GPC5: variants seen among roughly 807,000 people sequenced by gnomAD.
GPC5 encodes the protein glypican 5, also known as glypican-5.
In GPC5, 47 loss-of-function variants were observed where a neutral mutation model predicts 53.9. The observed-to-expected ratio is 0.87, with a 90% CI of 0.69 to 1.11. The LOEUF (loss-of-function observed/expected upper bound fraction) is 1.11. GPC5 is among the 50% of genes most tolerant of loss of function. The probability of loss-of-function intolerance (pLI) is 0.00; values close to 1 mark genes in which losing one functional copy is unlikely to be tolerated. For synonymous variants in GPC5, 286 were observed against 263.3 expected, an observed-to-expected ratio of 1.09 and a Z score of -0.84; for missense variants, 748 against 713.1, an observed-to-expected ratio of 1.05 and a Z score of -0.56.
At chr13:92,623,295 C>T (rs189043099) in intron 7 of GPC5, among the ~76,000 whole-genome samples, 124 of 152,288 alleles carry the variant, frequency 8.1e-4, no homozygotes, top group Non-Finnish European at 1.6e-3. Flanking sequence ...TCATCTGCTC[C>T]ATGTGAGAAG....
At chr13:92,560,895 G>GTGTA (rs1882674951) in intron 7 of GPC5, among the ~76,000 whole-genome samples, 1 of 150,946 alleles carries the variant, frequency 6.6e-6, no homozygotes, top group Admixed American at 6.6e-5. Flanking sequence ...GTGTGTGTGT[G>GTGTA]TGTATACATA....
intron 7 of GPC5, among the ~76,000 whole-genome samples, chr13:92,692,715 G>T (rs964661154): frequency 5.8e-5 from 7 of 121,330 alleles, no homozygotes; most frequent in African/African-American, 2.0e-4. Context: ...AACAGTGTAC[G>T]TGTGTTCCCT....
At chr13:92,401,368 A>T (rs1875551124) in intron 7 of GPC5, among the ~76,000 whole-genome samples, 1 of 152,126 alleles carries the variant, frequency 6.6e-6, no homozygotes, top group Admixed American at 6.5e-5. Flanking sequence ...TTACTATATT[A>T]GAAATCGAAG....
rs547036514 is a variant in GPC5, at chr13:92,224,206, G to T, written c.1561+79217G>T. On this transcript the variant is annotated intron_variant, in intron 7 of 7. Coordinates refer to ENST00000377067, the MANE Select transcript of GPC5 (RefSeq NM_004466.6). ...AAAGTAAACTGAATGTACTAGTCAG[G>T]CCATCAGAATAGCAATAACATTGGT... Among the ~76,000 whole-genome samples the T allele has an allele frequency of 3.0e-4, 45 of 152,150 alleles. No homozygotes were observed. The South Asian group carries it at 8.9e-3, about 30-fold the overall frequency.
chr13:92,825,049 C>A (rs1005493294), intron 7 of GPC5, among the ~76,000 whole-genome samples: 6 of 152,008 alleles, frequency 3.9e-5, no homozygotes, highest in African/African-American at 1.2e-4. Context: ...GCATATAATT[C>A]TACTTGGGAC....
chr13:92,173,579 T>C (rs1593960129), intron 7 of GPC5, among the ~76,000 whole-genome samples: 1 of 152,314 alleles, frequency 6.6e-6, no homozygotes, highest in East Asian at 1.9e-4. Context: ...TTGCTAATTT[T>C]TTAGGAGTTG....
At chr13:91,566,551 G>C (rs2031538282) in intron 2 of GPC5, among the ~76,000 whole-genome samples, 1 of 152,108 alleles carries the variant, frequency 6.6e-6, no homozygotes, top group Non-Finnish European at 1.5e-5. Context: ...AACAGAGCAA[G>C]ACTCTGTCTC....
chr13:91,399,078 G>T lies in GPC5; in HGVS notation c.32G>T (p.Arg11Leu). The T allele has an allele frequency of 1.3e-6, 2 of 1,580,702 alleles. No homozygotes were observed. Among genetic ancestry groups the T allele is most frequent in the Non-Finnish European group, 1.7e-6 (2 of 1,163,736 alleles). Reference sequence around the variant, plus strand: ...GCACAGACCTGGCCCGTGGGCTTTCGCTGCCTCCTCCTTCTGGCCCTGGTT... The same window carrying T: ...GCACAGACCTGGCCCGTGGGCTTTCTCTGCCTCCTCCTTCTGGCCCTGGTT... MDAQTWPVGF[R>L]CLLLLALVGS... The change falls in exon 1 of 8, where the codon CGC becomes CTC. Residue 11 changes from arginine (R) to leucine (L), a missense_variant. Transcript: ENST00000377067.
At chr13:92,228,680 A>G (rs563125321) in intron 7 of GPC5, among the ~76,000 whole-genome samples, 1 of 152,284 alleles carries the variant, frequency 6.6e-6, no homozygotes, top group African/African-American at 2.4e-5. Context: ...AAGACATGTC[A>G]GAGATAAAAA....
At chr13:91,461,697 C>T (rs1188193700) in intron 2 of GPC5, among the ~76,000 whole-genome samples, 3 of 151,954 alleles carry the variant, frequency 2.0e-5, no homozygotes, top group Non-Finnish European at 2.9e-5. Context: ...ATTTGATAGG[C>T]AGTAAAACAT....
intron 7 of GPC5, among the ~76,000 whole-genome samples, chr13:92,606,866 T>C (rs1049688821): frequency 2.0e-5 from 3 of 152,192 alleles, no homozygotes; most frequent in African/African-American, 7.2e-5. Flanking sequence ...TACGGTACAA[T>C]GTAAATATCA....
chr13:92,417,547 A>G (rs1439125991), intron 7 of GPC5, among the ~76,000 whole-genome samples: 6 of 152,164 alleles, frequency 3.9e-5, no homozygotes, highest in African/African-American at 1.4e-4. Flanking sequence ...ACAAATGTTC[A>G]TAGTAAGATT....
chr13:92,818,171 C>T (rs1482431371), intron 7 of GPC5, among the ~76,000 whole-genome samples: 3 of 151,706 alleles, frequency 2.0e-5, no homozygotes, highest in Non-Finnish European at 2.9e-5. Flanking sequence ...CATCACTGCA[C>T]CTGGCTAATT....
intron 7 of GPC5, among the ~76,000 whole-genome samples, chr13:92,243,510 G>A (rs1169467696): frequency 6.6e-6 from 1 of 152,090 alleles, no homozygotes; most frequent in African/African-American, 2.4e-5. Flanking sequence ...AAAATAACTA[G>A]ATATGAGACT....
intron 2 of GPC5, among the ~76,000 whole-genome samples, chr13:91,588,998 G>T (rs1367706919): frequency 6.6e-6 from 1 of 152,098 alleles, no homozygotes; most frequent in Non-Finnish European, 1.5e-5. Flanking sequence ...AAAATTAGGG[G>T]TGGAAAATTT....
At chr13:91,808,879 C>A (rs566848784) in intron 5 of GPC5, among the ~76,000 whole-genome samples, 175 of 152,222 alleles carry the variant, frequency 1.1e-3, no homozygotes, top group Non-Finnish European at 2.0e-3. Flanking sequence ...AGCATTGTTT[C>A]ACATCTCTGT....
intron 7 of GPC5, among the ~76,000 whole-genome samples, chr13:92,703,150 C>T (rs575089017): frequency 6.6e-6 from 1 of 151,678 alleles, no homozygotes; most frequent in South Asian, 2.1e-4. Context: ...CTACCTTCCT[C>T]CAATAATATG....
rs1008800077 is a variant in GPC5, at chr13:91,399,052, C to T, written c.6C>T (p.Asp2=). The T allele has an allele frequency of 1.9e-6, 3 of 1,553,904 alleles. No individual in the cohort carries two copies. Among genetic ancestry groups the T allele is most frequent in the Non-Finnish European group, 8.7e-7 (1 of 1,149,070 alleles). The change falls in exon 1 of 8, where the codon GAC becomes GAT. Residue 2 remains aspartate (D), a synonymous_variant. Coordinates refer to ENST00000377067, the MANE Select transcript of GPC5 (RefSeq NM_004466.6). M[D]AQTWPVGFRC... is the part of the protein sequence containing the mutation. ...AGGGGACCAGGACGGCGAGGATGGA[C>T]GCACAGACCTGGCCCGTGGGCTTTC...
intron 7 of GPC5, chr13:92,490,312 T>C (rs1444682379): frequency 6.5e-6 from 1 of 152,922 alleles, no homozygotes; most frequent in Non-Finnish European, 1.5e-5. Context: ...CAGAAATAAT[T>C]TTTAGTGTCC....
Sources: gnomAD v4.1 joint callset for allele counts (sites outside exome capture counted in the v4.1 genomes callset) on GRCh38, gnomAD v4.1.1 for gene constraint, MANE v1.5 for transcripts, NCBI Gene and HGNC (gene_info 2026-07-23, HGNC 2026-07-21) for gene names.